The following CFH variants were observed in gnomAD, a reference collection of about 807,000 sequenced individuals.
CFH encodes the protein complement factor H.
Under a neutral mutation model 147.3 loss-of-function variants are expected in CFH, and 53 were observed. That is an observed-to-expected ratio of 0.36 (90% CI 0.29 to 0.45). The LOEUF (loss-of-function observed/expected upper bound fraction) is 0.45, where lower values mean the gene tolerates loss of function less well. CFH is among the 20% of genes least tolerant of loss of function. CFH has a pLI of 1.00. For synonymous variants in CFH, 536 were observed against 489.4 expected (o/e 1.10, Z -1.26); for missense variants, 1,380 against 1,498.0 (o/e 0.92, Z 1.30).
intron 7 of CFH, among the ~76,000 whole-genome samples, chr1:196,686,215 C>G (rs1667821209): frequency 6.6e-6 from 1 of 152,126 alleles, no homozygotes; most frequent in African/African-American, 2.4e-5. Flanking sequence ...TGTGGGGACA[C>G]AGAGCCAAAC....
chr1:196,729,912 T>C (rs989071494), intron 15 of CFH, among the ~76,000 whole-genome samples: 1 of 151,920 alleles, frequency 6.6e-6, no homozygotes. Flanking sequence ...CTTTGTATTT[T>C]TTTGATATCA....
At chr1:196,688,629 G>A (rs545960290) in intron 7 of CFH, among the ~76,000 whole-genome samples, 1 of 152,018 alleles carries the variant, frequency 6.6e-6, no homozygotes, top group South Asian at 2.1e-4. Context: ...TATATTTTTC[G>A]AGATGGAGTC....
intron 1 of CFH, among the ~76,000 whole-genome samples, chr1:196,669,607 G>C (rs958710895): frequency 1.4e-4 from 22 of 152,204 alleles, no homozygotes; most frequent in Non-Finnish European, 3.1e-4. Context: ...ACATGGTGTT[G>C]GTCCTGTGGG....
intron 10 of CFH, among the ~76,000 whole-genome samples, chr1:196,714,451 C>G (rs1326558154): frequency 2.0e-5 from 3 of 150,300 alleles, no homozygotes; most frequent in African/African-American, 4.9e-5. Flanking sequence ...TAGATGGTAC[C>G]AATTTCTGCT....
At chr1:196,682,868 T>C (rs1380554272) in intron 6 of CFH, among the ~76,000 whole-genome samples, 1 of 151,642 alleles carries the variant, frequency 6.6e-6, no homozygotes, top group Admixed American at 6.6e-5. Context: ...TATAGAGATA[T>C]ATTAAAGCTT....
intron 6 of CFH, among the ~76,000 whole-genome samples, chr1:196,681,539 AT>A (rs1413099002): frequency 6.6e-6 from 1 of 151,200 alleles, no homozygotes; most frequent in Admixed American, 6.6e-5. Context: ...TTCTTTTATA[AT>A]TTTTTTCCAT....
intron 9 of CFH, among the ~76,000 whole-genome samples, chr1:196,706,575 G>T (rs1023587863): frequency 3.3e-5 from 5 of 152,132 alleles, no homozygotes; most frequent in African/African-American, 4.8e-5. Flanking sequence ...TCCAATCAAA[G>T]AACTCAAAAT....
rs376337060 is a variant in CFH, at chr1:196,673,857, A to G, written c.245A>G (p.Lys82Arg). Residue 82 changes from lysine (K) to arginine (R), a missense_variant and splice_region_variant, in exon 3 of 22, where the codon AAA (lysine) becomes AGA (arginine). Around this residue, in one of 4 missense-constraint regions of CFH, gnomAD observed 260 missense variants for 263.3 expected, o/e 0.99. Transcript: ENST00000367429. ...VALNPLRKCQ[K>R]RPCGHPGDTP... ...TTCATAACTTTTTTTTTCGTTTTAGAAAGGCCCTGTGGACATCCTGGAGAT... is the reference window on the plus strand; with the variant it reads ...TTCATAACTTTTTTTTTCGTTTTAGGAAGGCCCTGTGGACATCCTGGAGAT... 6.2e-6 allele frequency: 10 copies of G among 1,608,562 alleles called. No individual in the cohort carries two copies. The African/African-American group carries it at 1.1e-4, about 17-fold the overall frequency.
chr1:196,718,027 T>A lies in CFH; in HGVS notation c.1696+2258T>A, dbSNP rs751936089. 8.1e-4 allele frequency among the ~76,000 whole-genome samples: 124 copies of A among 152,158 alleles called. 1 individual carries two copies. The highest frequency in any genetic ancestry group is 3.4e-3 in the Middle Eastern group (1 of 294). On this transcript the variant is annotated intron_variant, in intron 11 of 21. Transcript: ENST00000367429. The stretch of plus-strand genomic sequence containing the variant: ...GGAGGAGGAAGAGTACTAGGTAGAA[T>A]AGAAAAGTTTTGAAATAGTCACAGC...
intron 20 of CFH, among the ~76,000 whole-genome samples, 168 bp downstream of exon 20, chr1:196,743,796 G>A (rs1652902144): frequency 6.6e-6 from 1 of 152,004 alleles, no homozygotes; most frequent in Admixed American, 6.6e-5. Flanking sequence ...CAAGTAATAG[G>A]GTATATTATT....
rs2149078118 is a variant in CFH, at chr1:196,673,783, T to C, written c.245-74T>C. 3 of 894,856 alleles carry C rather than the reference T, an allele frequency of 3.4e-6. No individual in the cohort carries two copies. In the South Asian group the frequency reaches 3.9e-5, roughly 12 times the overall value. The allele number at this position is 894,856 out of a possible 1,614,324, so 55.4% of individuals were successfully genotyped here. ...TCTTCTTATATAATATCAAATATAC[T>C]TGTTCCCCCACTCCTACATAAAATA... On this transcript the variant is annotated intron_variant, in intron 2 of 21. Coordinates refer to ENST00000367429, the MANE Select transcript of CFH (RefSeq NM_000186.4).
intron 9 of CFH, among the ~76,000 whole-genome samples, chr1:196,706,095 T>C (rs1456696065): frequency 1.3e-5 from 2 of 151,900 alleles, no homozygotes; most frequent in East Asian, 1.9e-4. Flanking sequence ...TGACAGATCC[T>C]AGATGCAGAG....
chr1:196,738,661 A>G (rs923660735), intron 17 of CFH, among the ~76,000 whole-genome samples: 1 of 152,036 alleles, frequency 6.6e-6, no homozygotes, highest in Non-Finnish European at 1.5e-5. Flanking sequence ...CCTTGTGCAG[A>G]TGTGGCTTTG....
chr1:196,715,520 C>A, intron 10 of CFH, 73 bp from the exon 11 acceptor site: 1 of 1,235,876 alleles, frequency 8.1e-7, no homozygotes, highest in South Asian at 1.2e-5. Flanking sequence ...GCTTTTTCTT[C>A]TTAGAATGGG....
At chr1:196,704,007 AC>A (rs1187288892) in intron 9 of CFH, among the ~76,000 whole-genome samples, 7 of 149,094 alleles carry the variant, frequency 4.7e-5, no homozygotes, top group South Asian at 4.2e-4. Context: ...AAAAAAAAAG[AC>A]AGAGTTTTTC....
intron 3 of CFH, among the ~76,000 whole-genome samples, chr1:196,675,662 T>C (rs1018428424): frequency 6.6e-6 from 1 of 152,046 alleles, no homozygotes; most frequent in African/African-American, 2.4e-5. Context: ...ACAATAATGA[T>C]TTTGTCGTGA....
intron 17 of CFH, among the ~76,000 whole-genome samples, chr1:196,738,560 C>A (rs998463166): frequency 2.6e-5 from 4 of 152,156 alleles, no homozygotes; most frequent in Admixed American, 2.0e-4. Context: ...TTTAATAGGG[C>A]AGTCATTAAA....
chr1:196,737,620 A>C lies in CFH; in HGVS notation c.2742A>C (p.Thr914=), dbSNP rs1573076805. Residue 914 remains threonine (T), a synonymous_variant, in exon 17 of 22, where the codon ACA becomes ACC. Transcript: ENST00000367429. ...GGATATCTGAAGAAAATGAAACAAC[A>C]TGCTACATGGGAAAATGGAGTTCTC... ...GFRISEENET[T]CYMGKWSSPP... The C allele has an allele frequency of 1.2e-6, 2 of 1,613,404 alleles. No individual in the cohort carries two copies. Among genetic ancestry groups the C allele is most frequent in the African/African-American group, 2.7e-5 (2 of 74,908 alleles).
At position 196,747,248 on chromosome 1, in the gene CFH, T is replaced by G; in HGVS notation, c.3631T>G (p.Ser1211Ala). ...CKRGYRLSSRSHTLRTTCWDG... is the reference protein window; with the variant it reads ...CKRGYRLSSRAHTLRTTCWDG... ...ACGGGGATATCGTCTTTCATCACGT[T>G]CTCACACATTGCGAACAACATGTTG... Residue 1211 changes from serine to alanine, a missense_variant, in exon 22 of 22, where the codon TCT becomes GCT. Physicochemically the swap from Ser to Ala is moderately conservative, Grantham distance 99. This residue lies in a region of CFH where 123 missense variants were observed against 185.3 expected (regional missense o/e 0.66). Coordinates refer to ENST00000367429, the MANE Select transcript of CFH (RefSeq NM_000186.4). 6.2e-7 allele frequency: 1 copy of G among 1,614,036 alleles called. No individual in the cohort carries two copies. The highest frequency in any genetic ancestry group is 8.5e-7 in the Non-Finnish European group (1 of 1,179,918).
Sources: allele counts gnomAD v4.1 joint callset (sites outside exome capture counted in the v4.1 genomes callset), GRCh38; gene constraint gnomAD v4.1.1; regional missense constraint gnomAD v4.1.1; transcripts MANE v1.5; gene names NCBI Gene and HGNC (gene_info 2026-07-23, HGNC 2026-07-21).